The following C3 variants were observed in gnomAD, a reference collection of about 807,000 sequenced individuals.
C3 encodes complement C3.
C3 carries 97 observed loss-of-function variants against 207.9 expected under a neutral mutation model. The ratio of observed to expected loss-of-function variants is 0.47; its 90% CI spans 0.40 to 0.55. The LOEUF is 0.55. Ranked by LOEUF, C3 falls within the 20% of genes least tolerant of loss-of-function variation. The probability of loss-of-function intolerance (pLI) is 0.00; values close to 1 mark genes in which losing one functional copy is unlikely to be tolerated. For synonymous variants in C3, 848 were observed against 857.6 expected (o/e 0.99, Z 0.20); for missense variants, 1,684 against 2,171.7 (o/e 0.78, Z 4.46).
chr19:6,688,066 G>A (rs547270723), intron 27 of C3, among the ~76,000 whole-genome samples: 40 of 150,796 alleles, frequency 2.7e-4, no homozygotes, highest in Admixed American at 6.0e-4. Context: ...CCGTGGTCTC[G>A]ATCTCCTGAC....
intron 18 of C3, 116 bp from the exon 19 acceptor site, chr19:6,702,328 A>G (rs1663169293): frequency 4.2e-6 from 4 of 942,388 alleles, no homozygotes; most frequent in Admixed American, 3.7e-5. Context: ...GGGTGCCTCC[A>G]TGTAGGTCAC....
chr19:6,706,907 C>T (rs1436524628), intron 17 of C3, among the ~76,000 whole-genome samples, 169 bp downstream of exon 17: 1 of 145,924 alleles, frequency 6.9e-6, no homozygotes, highest in Non-Finnish European at 1.5e-5. Flanking sequence ...GGCCTCCTCC[C>T]CCCTGAGACA....
intron 17 of C3, among the ~76,000 whole-genome samples, chr19:6,704,872 T>G (rs1967740940): frequency 6.7e-6 from 1 of 149,414 alleles, no homozygotes; most frequent in Non-Finnish European, 1.5e-5. Flanking sequence ...TACTTCAGCC[T>G]GGGTGACAGA....
rs237554 is a variant in C3, at chr19:6,686,648, T to C, written c.3646+98A>G. ...CATCTCAGCTTGGCTTAGGGTCATC[T>C]GTCCCAGCTCAGCTAAAAGCCATGC... is the stretch of plus-strand genomic sequence containing the variant. On this transcript the variant is annotated intron_variant, in intron 28 of 40. Coordinates refer to ENST00000245907, the MANE Select transcript of C3 (RefSeq NM_000064.4). 0.87 allele frequency: 1,132,618 copies of C among 1,299,660 alleles called. 494,448 individuals carry two copies. The highest frequency in any genetic ancestry group is 0.98 in the East Asian group (42,842 of 43,536). 80.5% of individuals were successfully genotyped at this position (1,299,660 alleles called of 1,614,324 possible).
intron 14 of C3, among the ~76,000 whole-genome samples, chr19:6,708,912 C>T (rs1267232861): frequency 2.0e-5 from 3 of 152,042 alleles, no homozygotes; most frequent in Non-Finnish European, 2.9e-5. Flanking sequence ...GGTCTGAACT[C>T]CTGGCCTCAA....
intron 13 of C3, 127 bp downstream of exon 13, chr19:6,710,509 GGAA>G (rs1445030256): frequency 2.9e-5 from 21 of 712,834 alleles, no homozygotes; most frequent in Non-Finnish European, 4.1e-5. Context: ...GAAAGGGAGA[GGAA>G]GAGAAGAGAG....
chr19:6,684,286 A>G lies in C3; in HGVS notation c.4172+102T>C, dbSNP rs11569543. The G allele has an allele frequency of 8.6e-3, 7,825 of 906,012 alleles. 53 individuals carry two copies. The highest frequency in any genetic ancestry group is 0.025 in the Middle Eastern group (88 of 3,574). The allele number at this position is 906,012 out of a possible 1,614,324, so 56.1% of individuals were successfully genotyped here. ...ATACTTAGAACAGTATCAGATACAC[A>G]GTGTACTTGGAAAGTACTGAATATC... On this transcript the variant is annotated intron_variant, in intron 33 of 40. Coordinates refer to ENST00000245907, the MANE Select transcript of C3 (RefSeq NM_000064.4).
chr19:6,694,806 C>T (rs1967497473), intron 23 of C3, among the ~76,000 whole-genome samples, 172 bp from the exon 24 acceptor site: 2 of 152,084 alleles, frequency 1.3e-5, no homozygotes, highest in Admixed American at 6.5e-5. Context: ...AGTGGCTGTT[C>T]GGGGGTCTGC....
intron 33 of C3, 151 bp downstream of exon 33, chr19:6,684,233 ACTGT>A: frequency 1.3e-6 from 1 of 762,142 alleles, no homozygotes; most frequent in East Asian, 2.5e-5. Flanking sequence ...CAAAGCAAGG[ACTGT>A]CTGTGTTGTC....
Position 6,711,096 on chromosome 19 carries a change from T to C in C3, c.1370A>G (p.His457Arg). 6.2e-7 allele frequency: 1 copy of C among 1,614,106 alleles called. No homozygotes were observed. The highest frequency in any genetic ancestry group is 1.3e-5 in the African/African-American group (1 of 74,996). Residue 457 changes from histidine to arginine, a missense_variant, in exon 12 of 41, where the codon CAT (histidine) becomes CGT (arginine). Around this residue, in one of 3 missense-constraint regions of C3, gnomAD observed 1,280 missense variants for 1,739.1 expected, o/e 0.74. Transcript: ENST00000245907. ...STVGNSNNYL[H>R]LSVLRTELRP... ...GAGCTCTGTACGTAGCACTGAGAGA[T>C]GCAGGTAATTGTTGGAGTTGCCCAC... is the stretch of plus-strand genomic sequence containing the variant.
At chr19:6,705,266 A>G (rs760111194) in intron 17 of C3, among the ~76,000 whole-genome samples, 1 of 151,974 alleles carries the variant, frequency 6.6e-6, no homozygotes, top group Admixed American at 6.6e-5. Flanking sequence ...CCCTCACACT[A>G]TCGCCTCTTT....
chr19:6,690,712 T>C lies in C3; in HGVS notation c.3406A>G (p.Asn1136Asp). Residue 1136 changes from asparagine (N) to aspartate (D), a missense_variant, in exon 27 of 41, where the codon AAC becomes GAC. Physicochemically the swap from Asn to Asp is conservative, Grantham distance 23. Around this residue, in one of 3 missense-constraint regions of C3, gnomAD observed 1,280 missense variants for 1,739.1 expected, o/e 0.74. Coordinates refer to ENST00000245907, the MANE Select transcript of C3 (RefSeq NM_000064.4). ...HQEMIGGLRN[N>D]NEKDMALTAF... ...GTGAGGGCCATGTCTTTCTCGTTGT[T>C]GTTCCGTAATCCACCCTGAGATAGA... The C allele has an allele frequency of 1.9e-6, 3 of 1,614,138 alleles. No homozygotes were observed. Among genetic ancestry groups the C allele is most frequent in the Non-Finnish European group, 2.5e-6 (3 of 1,179,940 alleles).
Position 6,714,011 on chromosome 19 carries a change from C to T in C3, c.754G>A (p.Glu252Lys). The T allele has an allele frequency of 6.2e-7, 1 of 1,609,360 alleles. No individual in the cohort carries two copies. The highest frequency in any genetic ancestry group is 8.5e-7 in the Non-Finnish European group (1 of 1,178,680). The change falls in exon 7 of 41, where the codon GAG becomes AAG. Residue 252 changes from glutamate to lysine, a missense_variant. By Grantham distance (56) the Glu-to-Lys change is moderately conservative. Transcript: ENST00000245907. ...CCTCACCTGGCGGTGATGGTGACCT[C>T]CAGGCCCTTCTCGTTATAGATGTAG... ...FYYIYNEKGL[E>K]VTITARFLYG... is the part of the protein sequence containing the mutation.
chr19:6,718,724 A>G (rs891105825), intron 2 of C3, among the ~76,000 whole-genome samples: 4 of 149,204 alleles, frequency 2.7e-5, no homozygotes, highest in African/African-American at 1.0e-4. Flanking sequence ...CAGGTGAGGG[A>G]ACTTAGAAAG....
chr19:6,687,384 TTCA>T (rs1238197278), intron 27 of C3, among the ~76,000 whole-genome samples: 4 of 152,176 alleles, frequency 2.6e-5, no homozygotes, highest in Admixed American at 6.5e-5. Context: ...CTTTATCTTC[TTCA>T]TCATCATAGC....
rs776132340 is a variant in C3, at chr19:6,697,427, T to C, written c.2713A>G (p.Thr905Ala). 1.1e-5 allele frequency: 17 copies of C among 1,613,526 alleles called. No individual in the cohort carries two copies. In the African/African-American group the frequency reaches 2.3e-4, roughly 22 times the overall value. Reference protein sequence around the residue: ...SVPYVIVPLKTGLQEVEVKAA... With the variant: ...SVPYVIVPLKAGLQEVEVKAA... ...TTGACTTCCACTTCCTGCAGGCCGG[T>C]CTTTAGCGGCACGATGACATATGGA... Residue 905 changes from threonine (T) to alanine (A), a missense_variant, in exon 21 of 41, where the codon ACC becomes GCC. Transcript: ENST00000245907.
At chr19:6,699,763 T>C (rs1017373502) in intron 19 of C3, among the ~76,000 whole-genome samples, 3 of 152,072 alleles carry the variant, frequency 2.0e-5, no homozygotes, top group African/African-American at 7.2e-5. Flanking sequence ...ATCAGTAATT[T>C]TGATATACTA....
chr19:6,681,875 A>C (rs1917870583), intron 35 of C3, 66 bp downstream of exon 35: 1 of 1,188,016 alleles, frequency 8.4e-7, no homozygotes, highest in Non-Finnish European at 1.3e-6. Context: ...AAGGAAAAGA[A>C]AGACCAGCCA....
intron 31 of C3, 60 bp from the exon 32 acceptor site, chr19:6,684,710 AGAG>A (rs1917955041): frequency 5.0e-6 from 8 of 1,603,614 alleles, no homozygotes; most frequent in Non-Finnish European, 6.8e-6. Flanking sequence ...GCTGGGGACA[AGAG>A]GAGATGGTCC....
Sources: gnomAD v4.1 joint callset for allele counts (sites outside exome capture counted in the v4.1 genomes callset) on GRCh38, gnomAD v4.1.1 for gene constraint, gnomAD v4.1.1 regional missense constraint, MANE v1.5 for transcripts, NCBI Gene and HGNC (gene_info 2026-07-23, HGNC 2026-07-21) for gene names.